RHBDD1: variants seen among roughly 807,000 people sequenced by gnomAD.
RHBDD1 encodes rhomboid-related protein 4.
RHBDD1 carries 38 observed loss-of-function variants against 36.3 expected under a neutral mutation model. The observed-to-expected ratio is 1.05, with a 90% confidence interval of 0.81 to 1.37. RHBDD1 has a LOEUF of 1.37. Ranked by LOEUF, RHBDD1 falls within the 40% of genes most tolerant of loss-of-function variation. The probability of loss-of-function intolerance (pLI) is 0.00; values close to 1 mark genes in which losing one functional copy is unlikely to be tolerated. For synonymous variants in RHBDD1, 151 were observed against 136.5 expected (o/e 1.11, Z -0.74); for missense variants, 393 against 377.6 (o/e 1.04, Z -0.34).
intron 8 of RHBDD1, among the ~76,000 whole-genome samples, chr2:226,915,037 AAC>A (rs1335659638): frequency 6.6e-6 from 1 of 152,130 alleles, no homozygotes; most frequent in African/African-American, 2.4e-5. Flanking sequence ...TACAATAGGG[AAC>A]ACTGAGTGGT....
At chr2:226,958,459 A>G (rs1035673978) in intron 8 of RHBDD1, among the ~76,000 whole-genome samples, 3 of 152,164 alleles carry the variant, frequency 2.0e-5, no homozygotes, top group Admixed American at 2.0e-4. Flanking sequence ...ATGTTCTAAA[A>G]TTGATTGTGG....
At chr2:226,913,105 C>T (rs924864019) in intron 7 of RHBDD1, among the ~76,000 whole-genome samples, 13 of 152,092 alleles carry the variant, frequency 8.5e-5, no homozygotes, top group Admixed American at 7.9e-4. Context: ...CATGAAATCT[C>T]AATTAATGCA....
intron 8 of RHBDD1, among the ~76,000 whole-genome samples, chr2:226,992,850 A>C (rs1286277931): frequency 6.6e-6 from 1 of 152,208 alleles, no homozygotes; most frequent in African/African-American, 2.4e-5. Flanking sequence ...TCTTCATGCT[A>C]GCTCAGTGAC....
At chr2:226,922,399 G>C (rs1250336555) in intron 8 of RHBDD1, among the ~76,000 whole-genome samples, 1 of 151,646 alleles carries the variant, frequency 6.6e-6, no homozygotes, top group South Asian at 2.1e-4. Flanking sequence ...AGTAGAGACG[G>C]GGTTTCACTG....
chr2:226,881,633 T>C (rs1160590758), intron 5 of RHBDD1, among the ~76,000 whole-genome samples: 1 of 152,082 alleles, frequency 6.6e-6, no homozygotes, highest in Non-Finnish European at 1.5e-5. Flanking sequence ...GGAACTATTT[T>C]CATGTGTCTT....
intron 5 of RHBDD1, among the ~76,000 whole-genome samples, chr2:226,885,645 G>A (rs1946140344): frequency 6.6e-6 from 1 of 152,134 alleles, no homozygotes; most frequent in African/African-American, 2.4e-5. Context: ...AATATTAATA[G>A]TAGTTAACTC....
At chr2:226,905,415 A>G (rs1445393790) in intron 5 of RHBDD1, among the ~76,000 whole-genome samples, 1 of 152,130 alleles carries the variant, frequency 6.6e-6, no homozygotes, top group African/African-American at 2.4e-5. Flanking sequence ...GCCTATGGTC[A>G]GAGAGTGCTT....
upstream of RHBDD1, chr2:226,835,939 A>G (rs954650812): frequency 1.3e-5 from 2 of 152,428 alleles, no homozygotes; most frequent in African/African-American, 4.8e-5. Context: ...GGCGCGCACA[A>G]CTAAGCATGC....
intron 8 of RHBDD1, among the ~76,000 whole-genome samples, chr2:226,979,477 G>A (rs1183547721): frequency 6.6e-6 from 1 of 152,066 alleles, no homozygotes; most frequent in African/African-American, 2.4e-5. Flanking sequence ...GGAACTTCCC[G>A]AGACCCCACC....
chr2:226,967,225 C>T (rs1952705064), intron 8 of RHBDD1, among the ~76,000 whole-genome samples: 1 of 152,080 alleles, frequency 6.6e-6, no homozygotes, highest in Admixed American at 6.6e-5. Flanking sequence ...CCAAGTGTAC[C>T]CTCCATACTT....
chr2:226,858,373 C>T (rs745421000), intron 3 of RHBDD1, among the ~76,000 whole-genome samples: 3 of 152,078 alleles, frequency 2.0e-5, no homozygotes, highest in Non-Finnish European at 1.5e-5. Flanking sequence ...ATTTGTTATA[C>T]TTTTAGTAAT....
chr2:226,948,770 A>G (rs1184972611), intron 8 of RHBDD1, among the ~76,000 whole-genome samples: 3 of 152,108 alleles, frequency 2.0e-5, no homozygotes, highest in African/African-American at 4.8e-5. Flanking sequence ...CCTGTTCAAC[A>G]TAGTATTGTA....
intron 8 of RHBDD1, among the ~76,000 whole-genome samples, chr2:226,923,385 A>G (rs931405085): frequency 2.6e-5 from 4 of 152,282 alleles, no homozygotes; most frequent in Non-Finnish European, 4.4e-5. Context: ...GTCCGCTGTC[A>G]GAACTACTGG....
the RHBDD1 span, among the ~76,000 whole-genome samples, chr2:226,825,068 T>C: frequency 4.6e-5 from 7 of 152,356 alleles, no homozygotes; most frequent in East Asian, 1.2e-3. Flanking sequence ...AGAACATTCA[T>C]AGCTTCTCCT....
chr2:226,954,954 C>T (rs1020287429), intron 8 of RHBDD1, among the ~76,000 whole-genome samples: 1 of 151,780 alleles, frequency 6.6e-6, no homozygotes, highest in African/African-American at 2.4e-5. Flanking sequence ...CAGTGGGGAG[C>T]GTTCACCCAG....
chr2:226,818,125 T>C, the RHBDD1 span, among the ~76,000 whole-genome samples: 1 of 151,942 alleles, frequency 6.6e-6, no homozygotes, highest in East Asian at 1.9e-4. Context: ...TTGGTCCATC[T>C]ATAGTCTTTT....
chr2:226,929,906 A>G (rs920536393), intron 8 of RHBDD1, among the ~76,000 whole-genome samples: 1 of 151,992 alleles, frequency 6.6e-6, no homozygotes, highest in African/African-American at 2.4e-5. Context: ...AGCTGCAAAC[A>G]AACAAAACAA....
intron 8 of RHBDD1, among the ~76,000 whole-genome samples, chr2:226,933,034 A>G (rs1950125115): frequency 6.6e-6 from 1 of 152,122 alleles, no homozygotes; most frequent in African/African-American, 2.4e-5. Context: ...CGTTCTTCGC[A>G]GGGTGGCAGG....
rs1386810641 is a variant in RHBDD1 at position 226,840,103 on chromosome 2, T to TA, written c.-91+477dup. On this transcript the variant is annotated intron_variant, in intron 3 of 8. Coordinates refer to ENST00000392062, the MANE Select transcript of RHBDD1 (RefSeq NM_001167608.3). ...TACTAATAGTGGTAGTTAGTGATAT[T>TA]ACATTGTCTTTTTCACACATTGAAG... 3.3e-5 allele frequency among the ~76,000 whole-genome samples: 5 copies of TA among 152,352 alleles called. No individual in the cohort carries two copies. In the East Asian group the frequency reaches 7.7e-4, roughly 23 times the overall value.
Sources: allele counts gnomAD v4.1 joint callset (sites outside exome capture counted in the v4.1 genomes callset), GRCh38; gene constraint gnomAD v4.1.1; transcripts MANE v1.5; gene names NCBI Gene and HGNC (gene_info 2026-07-23, HGNC 2026-07-21).